ZNF814: variants seen among roughly 807,000 people sequenced by gnomAD.
ZNF814 encodes zinc finger protein 814.
A neutral mutation model predicts 7.5 loss-of-function variants in ZNF814; 5 were observed. The observed-to-expected ratio is 0.67, with a 90% CI of 0.35 to 1.40. ZNF814 has a LOEUF of 1.40. Ranked by LOEUF, ZNF814 falls within the 40% of genes most tolerant of loss-of-function variation. The pLI is 0.04. For synonymous variants in ZNF814, 315 were observed against 340.7 expected (o/e 0.92, Z 0.83); for missense variants, 962 against 1,018.0 (o/e 0.94, Z 0.75).
chr19:57,887,133 AG>A (rs1264187603), intron 1 of ZNF814, among the ~76,000 whole-genome samples: 1 of 152,196 alleles, frequency 6.6e-6, no homozygotes, highest in African/African-American at 2.4e-5. Flanking sequence ...GATTGCAGTG[AG>A]CCGAGATCAC....
At position 57,869,422 on chromosome 19, in the gene ZNF814, C is replaced by T. The variant is rs1185004719; in HGVS notation, c.*3400G>A. On this transcript the variant is annotated 3_prime_UTR_variant, in exon 3 of 3. Coordinates refer to ENST00000435989, the MANE Select transcript of ZNF814 (RefSeq NM_001144989.2). ...TTTATTACATCACTCATCTAACATTCCAGAAAATGGAAAGTACTCTACTGT... is the reference window on the plus strand; with the variant it reads ...TTTATTACATCACTCATCTAACATTTCAGAAAATGGAAAGTACTCTACTGT... 1.3e-5 allele frequency: 2 copies of T among 151,588 alleles called. No homozygotes were observed. Among genetic ancestry groups the T allele is most frequent in the Non-Finnish European group, 2.9e-5 (2 of 67,932 alleles). 9.4% of individuals were successfully genotyped at this position (151,588 alleles called of 1,614,324 possible).
chr19:57,885,244 C>A (rs2071680568), intron 1 of ZNF814, among the ~76,000 whole-genome samples: 2 of 151,842 alleles, frequency 1.3e-5, no homozygotes, highest in Admixed American at 6.6e-5. Flanking sequence ...ATCGCTTGAA[C>A]CCAGGAGGCG....
chr19:57,877,918 G>A (rs535249151), intron 1 of ZNF814, among the ~76,000 whole-genome samples: 5 of 151,978 alleles, frequency 3.3e-5, no homozygotes, highest in Non-Finnish European at 1.5e-5. Context: ...TAATCCCAGT[G>A]ATTTCAGAGG....
chr19:57,886,434 AT>A (rs1343932483), intron 1 of ZNF814, among the ~76,000 whole-genome samples: 2 of 152,122 alleles, frequency 1.3e-5, no homozygotes, highest in Non-Finnish European at 2.9e-5. Context: ...TCTTCCTTTG[AT>A]TGGCCTTCGG....
chr19:57,896,004 A>G, the ZNF814 span, among the ~76,000 whole-genome samples: 1 of 152,206 alleles, frequency 6.6e-6, no homozygotes, highest in Admixed American at 6.5e-5. This position sits in a 1 kb window ranked among gnomAD's most constrained non-coding sequence, Gnocchi z 4.2. Context: ...TGTCAGGAAT[A>G]ACGCTCAAAA....
rs1434733679 is a variant in ZNF814, at chr19:57,880,597, A to G, written c.37-3555T>C. 5.7e-5 allele frequency among the ~76,000 whole-genome samples: 8 copies of G among 139,274 alleles called. 1 individual carries two copies. The highest frequency in any genetic ancestry group is 1.4e-4 in the Admixed American group (2 of 13,854). The allele number at this position is 139,274 out of a possible 152,430, so 91.4% of individuals were successfully genotyped here. On this transcript the variant is annotated intron_variant, in intron 1 of 2. Coordinates refer to ENST00000435989, the MANE Select transcript of ZNF814 (RefSeq NM_001144989.2). ...GCTGCACCCATCATACCCTTAACAG[A>G]ACACCTTTTTTTTTTCTTTTTTTTT...
In ZNF814 at chr19:57,874,213, C is replaced by T. The variant is rs748446063; in HGVS notation, c.1177G>A (p.Ala393Thr). Residue 393 changes from alanine (A) to threonine (T), a missense_variant, in exon 3 of 3, where the codon GCT becomes ACT. Transcript: ENST00000435989. ...GECGKSFSKY[A>T]SFSNHQRVHT... ...ACTCTCTGATGATTACTGAAGCTAG[C>T]ATATTTGCTAAACGATTTCCCACAT... is the stretch of plus-strand genomic sequence containing the variant. 2 of 1,575,498 alleles carry T rather than the reference C, an allele frequency of 1.3e-6. No individual in the cohort carries two copies.
Position 57,873,120 on chromosome 19 carries a change from G to C in ZNF814, c.2270C>G (p.Ser757Cys). 6.2e-7 allele frequency: 1 copy of C among 1,613,884 alleles called. No homozygotes were observed. Among genetic ancestry groups the C allele is most frequent in the Non-Finnish European group, 8.5e-7 (1 of 1,179,944 alleles). The part of the protein sequence containing the change: ...NDCGKSFTHS[S>C]TFCVHKRIHT... The stretch of plus-strand genomic sequence containing the variant: ...AATTCGCTTATGAACACAGAATGTA[G>C]AGCTGTGGGTAAATGATTTTCCACA... The change falls in exon 3 of 3, where the codon TCT (serine) becomes TGT (cysteine). Residue 757 changes from serine (S) to cysteine (C), a missense_variant. Coordinates refer to ENST00000435989, the MANE Select transcript of ZNF814 (RefSeq NM_001144989.2).
rs950841359 is a variant in ZNF814 at position 57,871,181 on chromosome 19, C to T, written c.*1641G>A. On this transcript the variant is annotated 3_prime_UTR_variant, in exon 3 of 3. Transcript: ENST00000435989. ...AGCTGGGCAACAGACTTCCCTCAGC[C>T]GTACCAAGTACAATGCAATATACCT... The T allele has an allele frequency of 2.0e-5, 3 of 152,144 alleles. No homozygotes were observed. The highest frequency in any genetic ancestry group is 2.1e-4 in the South Asian group (1 of 4,826). 9.4% of individuals were successfully genotyped at this position (152,144 alleles called of 1,614,324 possible). A position where few individuals can be genotyped will look rare whatever the true frequency, so the allele number is the denominator to read the frequency against.
At position 57,872,277 on chromosome 19, in the gene ZNF814, CAT is replaced by C. The variant is rs2122414049; in HGVS notation, c.*543_*544del. 6.6e-6 allele frequency among the ~76,000 whole-genome samples: 1 copy of C among 152,318 alleles called. No homozygotes were observed. The highest frequency in any genetic ancestry group is 2.4e-5 in the African/African-American group (1 of 41,580). ...CCATATACATCTATGGTGTTTTTCT[CAT>C]GTCAATGTTTGAGGCTCCAATAAAA... On this transcript the variant is annotated 3_prime_UTR_variant, in exon 3 of 3. Coordinates refer to ENST00000435989, the MANE Select transcript of ZNF814 (RefSeq NM_001144989.2).
chr19:57,893,328 C>G (rs529349517), upstream of ZNF814, among the ~76,000 whole-genome samples: 46 of 152,070 alleles, frequency 3.0e-4, no homozygotes, highest in Admixed American at 1.0e-3. Flanking sequence ...CACGCACCAC[C>G]ATGCCTAGTT....
chr19:57,900,317 A>T, the ZNF814 span: 3 of 152,206 alleles, frequency 2.0e-5, no homozygotes, highest in Non-Finnish European at 1.5e-5. Flanking sequence ...CTTTTATTTC[A>T]TTCTTTACAA....
chr19:57,869,942 C>CAAAAAAAAAAAAAAA lies in ZNF814; in HGVS notation c.*2865_*2879dup, dbSNP rs57591690. The CAAAAAAAAAAAAAAA allele has an allele frequency of 1.9e-3, 254 of 133,328 alleles. 5 individuals carry two copies. Among genetic ancestry groups the CAAAAAAAAAAAAAAA allele is most frequent in the African/African-American group, 7.1e-3 (238 of 33,364 alleles). 8.3% of individuals were successfully genotyped at this position (133,328 alleles called of 1,614,324 possible). A position where few individuals can be genotyped will look rare whatever the true frequency, so the allele number is the denominator to read the frequency against. On this transcript the variant is annotated 3_prime_UTR_variant, in exon 3 of 3. Transcript: ENST00000435989. ...CCTGGCTGACAGTGAGACTCTGTCT[C>CAAAAAAAAAAAAAAA]AAAAAAAAAAAAAAAAGGTTGGGCA...
chr19:57,871,786 TGACTC>T lies in ZNF814; in HGVS notation c.*1031_*1035del, dbSNP rs1414936357. The T allele has an allele frequency of 7.0e-6, 1 of 141,998 alleles. No homozygotes were observed. Among genetic ancestry groups the T allele is most frequent in the African/African-American group, 2.7e-5 (1 of 37,408 alleles). The allele number at this position is 141,998 out of a possible 1,614,324, so 8.8% of individuals were successfully genotyped here. ...TGAAGCTACTCAACAAATCCTTCTG[TGACTC>T]GATCAGAAATTAAAAGTTAAAAAAA... On this transcript the variant is annotated 3_prime_UTR_variant, in exon 3 of 3. Coordinates refer to ENST00000435989, the MANE Select transcript of ZNF814 (RefSeq NM_001144989.2).
upstream of ZNF814, among the ~76,000 whole-genome samples, chr19:57,893,805 A>C (rs529345134): frequency 6.6e-6 from 1 of 151,942 alleles, no homozygotes; most frequent in Non-Finnish European, 1.5e-5. Flanking sequence ...ATGTAATCCC[A>C]GCTACTCGGG....
intron 2 of ZNF814, 42 bp downstream of exon 2, chr19:57,876,874 C>G (rs772669714): frequency 1.2e-5 from 19 of 1,609,496 alleles, no homozygotes; most frequent in Admixed American, 3.4e-5. Flanking sequence ...TAGGGGAAAA[C>G]AGAGACTAGC....
In ZNF814 at chr19:57,874,158, C is replaced by T. The variant is rs1261555589; in HGVS notation, c.1232G>A (p.Gly411Glu). The change falls in exon 3 of 3, where the codon GGA becomes GAA. Residue 411 changes from glycine to glutamate, a missense_variant. Gly to Glu is a moderately conservative substitution (Grantham distance 98). This residue lies in a region of ZNF814 where 665 missense variants were observed against 551.4 expected (regional missense o/e 1.21). Coordinates refer to ENST00000435989, the MANE Select transcript of ZNF814 (RefSeq NM_001144989.2). ...VHTDKKHYEC[G>E]ECGKSFSQKS... is the part of the protein sequence containing the mutation. The stretch of plus-strand genomic sequence containing the variant: ...TTGACTAAAGGATTTCCCACATTCT[C>T]CACATTCATAATGTTTTTTGTCAGT... The T allele has an allele frequency of 3.8e-6, 6 of 1,592,206 alleles. No individual in the cohort carries two copies. The highest frequency in any genetic ancestry group is 5.1e-6 in the Non-Finnish European group (6 of 1,169,092).
At chr19:57,892,013 A>C (rs891003106), upstream of ZNF814, among the ~76,000 whole-genome samples, 3 of 152,154 alleles carry the variant, frequency 2.0e-5, no homozygotes, top group African/African-American at 7.2e-5. Context: ...CAGCCTCCCA[A>C]AGTGTTGGGA....
chr19:57,900,311 T>A, the ZNF814 span: 4 of 152,244 alleles, frequency 2.6e-5, no homozygotes, highest in East Asian at 7.7e-4. Context: ...CTTAATCTTT[T>A]ATTTCATTCT....
Sources: gnomAD v4.1 joint callset for allele counts (sites outside exome capture counted in the v4.1 genomes callset) on GRCh38, gnomAD v4.1.1 for gene constraint, gnomAD v4.1.1 regional missense constraint, Gnocchi (gnomAD v3.1) non-coding constraint, MANE v1.5 for transcripts, NCBI Gene and HGNC (gene_info 2026-07-23, HGNC 2026-07-21) for gene names.